The following TCAIM variants were observed in gnomAD, a reference collection of about 807,000 sequenced individuals.
The protein encoded by TCAIM is T cell activation inhibitor, mitochondrial.
TCAIM carries 36 observed loss-of-function variants against 58.6 expected under a neutral mutation model. The ratio of observed to expected loss-of-function variants is 0.61; its 90% confidence interval spans 0.47 to 0.81. The LOEUF (loss-of-function observed/expected upper bound fraction) is 0.81. TCAIM is among the 30% of genes least tolerant of loss of function. TCAIM has a pLI of 0.00. For missense variants in TCAIM, 466 were observed against 579.6 expected, an observed-to-expected ratio of 0.80 and a Z score of 2.01; for synonymous variants, 172 against 193.6, an observed-to-expected ratio of 0.89 and a Z score of 0.93.
At position 44,380,791 on chromosome 3, in the gene TCAIM, A is replaced by T. The variant is rs188086718; in HGVS notation, c.573-12064A>T. Among the ~76,000 whole-genome samples the T allele has an allele frequency of 1.7e-3, 262 of 152,266 alleles. 1 individual carries two copies. The highest frequency in any genetic ancestry group is 3.4e-3 in the Middle Eastern group (1 of 292). ...ATGGACTAAGAAAGAAAGGAGACTC[A>T]AATTACTAAAATCAGAAATGAAAGC... On this transcript the variant is annotated intron_variant, in intron 5 of 10. Coordinates refer to ENST00000342649, the MANE Select transcript of TCAIM (RefSeq NM_173826.4).
Position 44,361,504 on chromosome 3 carries a change from C to A in TCAIM, c.305C>A (p.Pro102His). 6.3e-7 allele frequency: 1 copy of A among 1,595,894 alleles called. No homozygotes were observed. Among genetic ancestry groups the A allele is most frequent in the Middle Eastern group, 1.7e-4 (1 of 6,006 alleles). Residue 102 changes from proline to histidine, a missense_variant, in exon 4 of 11, where the codon CCT becomes CAT. Pro to His is a moderately conservative substitution (Grantham distance 77). Coordinates refer to ENST00000342649, the MANE Select transcript of TCAIM (RefSeq NM_173826.4). ...CAGAGTTCCTCCGATGGCCAGGAAC[C>A]TTTTAGTACTTCCGGTACGTTTTTT... ...TDQSSSDGQE[P>H]FSTSGFRAVK...
At position 44,407,767 on chromosome 3, in the gene TCAIM, T is replaced by C; in HGVS notation, c.*85T>C. The C allele has an allele frequency of 4.5e-6, 6 of 1,333,808 alleles. No individual in the cohort carries two copies. Among genetic ancestry groups the C allele is most frequent in the Non-Finnish European group, 6.0e-6 (6 of 1,002,040 alleles). 82.6% of individuals were successfully genotyped at this position (1,333,808 alleles called of 1,614,324 possible). A position where few individuals can be genotyped will look rare whatever the true frequency, so the allele number is the denominator to read the frequency against. On this transcript the variant is annotated 3_prime_UTR_variant, in exon 11 of 11. Coordinates refer to ENST00000342649, the MANE Select transcript of TCAIM (RefSeq NM_173826.4). ...AAATCCACAATTTGATATAACAGTA[T>C]TATTTACATAAGAACAAAGTTTCTA...
intron 8 of TCAIM, 75 bp downstream of exon 8, chr3:44,396,909 G>A (rs1202268136): frequency 2.1e-6 from 3 of 1,409,210 alleles, no homozygotes; most frequent in East Asian, 2.3e-5. Flanking sequence ...GTAATGTTAA[G>A]GGACTAAAAA....
At chr3:44,403,777 A>C (rs889419882) in intron 10 of TCAIM, among the ~76,000 whole-genome samples, 3 of 152,090 alleles carry the variant, frequency 2.0e-5, no homozygotes, top group Admixed American at 6.5e-5. Context: ...ACCCCAGTCC[A>C]CCTTCAGAGC....
At chr3:44,341,985 A>T (rs535925404) in intron 1 of TCAIM, among the ~76,000 whole-genome samples, 1 of 152,290 alleles carries the variant, frequency 6.6e-6, no homozygotes, top group South Asian at 2.1e-4. Flanking sequence ...CCACCATTTT[A>T]TCTTAAATGT....
intron 10 of TCAIM, among the ~76,000 whole-genome samples, chr3:44,403,009 C>A (rs1332901591): frequency 6.6e-6 from 1 of 152,182 alleles, no homozygotes; most frequent in East Asian, 1.9e-4. Flanking sequence ...TGGCTCACAC[C>A]TTTAATCTCA....
In TCAIM at chr3:44,344,408, G is replaced by C. The variant is rs560028243; in HGVS notation, c.-45+5574G>C. On this transcript the variant is annotated intron_variant, in intron 1 of 10. Transcript: ENST00000342649. Reference sequence around the variant, plus strand: ...ATTAAGGATACTATCTTAGTCTTCAGCTGCTGTGTCAAACTATCATAAACC... The same window carrying C: ...ATTAAGGATACTATCTTAGTCTTCACCTGCTGTGTCAAACTATCATAAACC... Among the ~76,000 whole-genome samples the C allele has an allele frequency of 2.6e-5, 4 of 152,270 alleles. No homozygotes were observed. The East Asian group carries it at 7.7e-4, about 29-fold the overall frequency.
intron 5 of TCAIM, among the ~76,000 whole-genome samples, chr3:44,370,683 T>G (rs989483049): frequency 6.6e-6 from 1 of 151,378 alleles, no homozygotes; most frequent in African/African-American, 2.4e-5. Context: ...TTTTTTTTAG[T>G]TTTTTTATGC....
chr3:44,394,634 A>G (rs1701892847), intron 6 of TCAIM, among the ~76,000 whole-genome samples: 2 of 151,628 alleles, frequency 1.3e-5, no homozygotes, highest in African/African-American at 2.4e-5. Context: ...GGTGGCTCAC[A>G]CCTGTAATCC....
intron 2 of TCAIM, among the ~76,000 whole-genome samples, chr3:44,356,733 A>C (rs1701198957): frequency 6.7e-6 from 1 of 150,364 alleles, no homozygotes; most frequent in Non-Finnish European, 1.5e-5. Flanking sequence ...TGGGAGGCTG[A>C]GGCGGGTGGA....
chr3:44,349,275 T>C (rs1701035942), intron 1 of TCAIM, among the ~76,000 whole-genome samples: 1 of 152,148 alleles, frequency 6.6e-6, no homozygotes, highest in Non-Finnish European at 1.5e-5. Flanking sequence ...TCTCAGACCA[T>C]TTGCCCATTT....
At chr3:44,375,953 A>T (rs1034970819) in intron 5 of TCAIM, among the ~76,000 whole-genome samples, 4 of 152,274 alleles carry the variant, frequency 2.6e-5, no homozygotes, top group African/African-American at 7.2e-5. Context: ...ATGGATTTTT[A>T]AAAAGTGGCA....
At chr3:44,366,925 T>C (rs1701388391) in intron 4 of TCAIM, among the ~76,000 whole-genome samples, 4 of 152,136 alleles carry the variant, frequency 2.6e-5, no homozygotes, top group African/African-American at 7.2e-5. Flanking sequence ...CCTGAAAATA[T>C]TGGGTTACTA....
intron 1 of TCAIM, among the ~76,000 whole-genome samples, chr3:44,349,372 G>A (rs886821198): frequency 1.3e-5 from 2 of 152,144 alleles, no homozygotes; most frequent in Non-Finnish European, 2.9e-5. Context: ...AAGCGGTATT[G>A]CAGAAGAAAA....
At chr3:44,390,675 T>G (rs1701819283) in intron 5 of TCAIM, among the ~76,000 whole-genome samples, 1 of 151,852 alleles carries the variant, frequency 6.6e-6, no homozygotes, top group Non-Finnish European at 1.5e-5. Flanking sequence ...AAAAAACAAA[T>G]TTTAAGAAAA....
At position 44,407,686 on chromosome 3, in the gene TCAIM, A is replaced by G. The variant is rs2125660450; in HGVS notation, c.*4A>G. ...GAATGGAGAAGCCATTAAGTAACAC[A>G]GAAATCTGTTTTATTTTTTTAAGAG... is the stretch of plus-strand genomic sequence containing the variant. On this transcript the variant is annotated 3_prime_UTR_variant, in exon 11 of 11. Coordinates refer to ENST00000342649, the MANE Select transcript of TCAIM (RefSeq NM_173826.4). 6.4e-7 allele frequency: 1 copy of G among 1,569,494 alleles called. No homozygotes were observed.
intron 5 of TCAIM, among the ~76,000 whole-genome samples, chr3:44,390,737 G>A (rs56397308): frequency 0.12 from 18,515 of 151,972 alleles, 1,228 homozygotes; most frequent in East Asian, 0.17. Context: ...TTGGCAGGTC[G>A]AGGCAGGAGG....
At chr3:44,403,482 TTTC>T (rs1702053829) in intron 10 of TCAIM, among the ~76,000 whole-genome samples, 1 of 152,232 alleles carries the variant, frequency 6.6e-6, no homozygotes, top group African/African-American at 2.4e-5. Context: ...GTTCATGCTA[TTTC>T]TTTTCTAAAT....
chr3:44,339,329 T>C (rs1336208955), intron 1 of TCAIM, among the ~76,000 whole-genome samples: 3 of 152,206 alleles, frequency 2.0e-5, no homozygotes, highest in Non-Finnish European at 2.9e-5. Context: ...GAGAGTGGCA[T>C]GATATTAATT....
Sources: allele counts gnomAD v4.1 joint callset (sites outside exome capture counted in the v4.1 genomes callset), GRCh38; gene constraint gnomAD v4.1.1; transcripts MANE v1.5; gene names NCBI Gene and HGNC (gene_info 2026-07-23, HGNC 2026-07-21).